Variants in LRP1B observed in about 807,000 individuals in gnomAD.
The protein encoded by LRP1B is low-density lipoprotein receptor-related protein 1B.
In LRP1B, 217 loss-of-function variants were observed where a neutral mutation model predicts 556.6. The ratio of observed to expected loss-of-function variants is 0.39; its 90% CI spans 0.35 to 0.44. The LOEUF (loss-of-function observed/expected upper bound fraction) is 0.44, where lower values mean the gene tolerates loss of function less well. Ranked by LOEUF, LRP1B falls within the 20% of genes least tolerant of loss-of-function variation. The pLI is 1.00. For synonymous variants in LRP1B, 2,047 were observed against 1,865.8 expected (o/e 1.10, Z -2.50); for missense variants, 5,053 against 5,620.8 (o/e 0.90, Z 3.23).
At chr2:140,511,122 T>C (rs1689633234) in intron 51 of LRP1B, among the ~76,000 whole-genome samples, 1 of 152,052 alleles carries the variant, frequency 6.6e-6, no homozygotes, top group South Asian at 2.1e-4. Context: ...AGTGACTAGA[T>C]GAAAAATATT....
At chr2:140,996,974 A>T (rs945953829) in intron 15 of LRP1B, among the ~76,000 whole-genome samples, 2 of 151,928 alleles carry the variant, frequency 1.3e-5, no homozygotes, top group Non-Finnish European at 2.9e-5. Context: ...GTATATTAAC[A>T]AGTGATGGAA....
chr2:141,156,616 A>G (rs1024563774), intron 7 of LRP1B, among the ~76,000 whole-genome samples: 44 of 144,284 alleles, frequency 3.0e-4, no homozygotes, highest in African/African-American at 1.2e-3. Context: ...CGACAGGGCT[A>G]TCTCAGAAAA....
chr2:140,239,641 G>A (rs567494171), intron 87 of LRP1B, 109 bp from the exon 88 acceptor site: 146 of 596,654 alleles, frequency 2.4e-4, no homozygotes, highest in South Asian at 2.0e-3. Context: ...TATAATAAAA[G>A]CTTAGCCCAA....
chr2:140,242,232 T>C (rs1471953101), intron 87 of LRP1B, among the ~76,000 whole-genome samples: 4 of 151,174 alleles, frequency 2.6e-5, no homozygotes, highest in Admixed American at 2.0e-4. Context: ...ATAGTTATCA[T>C]ACAGTATTAT....
intron 35 of LRP1B, among the ~76,000 whole-genome samples, chr2:140,751,290 G>T (rs72981892): frequency 0.022 from 3,242 of 150,772 alleles, 99 homozygotes; most frequent in African/African-American, 0.073. Context: ...ACCACGCATG[G>T]CCTCAGTTAT....
At chr2:140,567,446 T>C (rs1256059228) in intron 43 of LRP1B, among the ~76,000 whole-genome samples, 1 of 152,096 alleles carries the variant, frequency 6.6e-6, no homozygotes, top group East Asian at 1.9e-4. Flanking sequence ...CTCCAGAGAA[T>C]CCTTTCTTCC....
At chr2:141,516,359 T>C (rs1174043761) in intron 2 of LRP1B, among the ~76,000 whole-genome samples, 1 of 152,202 alleles carries the variant, frequency 6.6e-6, no homozygotes, top group Non-Finnish European at 1.5e-5. Flanking sequence ...AATGAACTGT[T>C]CTGATTATCT....
At chr2:140,310,095 A>G (rs1348633704) in intron 83 of LRP1B, among the ~76,000 whole-genome samples, 3 of 151,748 alleles carry the variant, frequency 2.0e-5, no homozygotes, top group Non-Finnish European at 4.4e-5. Context: ...TGCTGGTTTC[A>G]TCCATGTCTG....
chr2:141,217,388 C>T (rs1443434040), intron 6 of LRP1B, among the ~76,000 whole-genome samples: 1 of 152,044 alleles, frequency 6.6e-6, no homozygotes, highest in African/African-American at 2.4e-5. Context: ...TTGCCTAATG[C>T]ACAATATAAA....
At chr2:140,883,159 G>T (rs2105185185) in intron 25 of LRP1B, among the ~76,000 whole-genome samples, 1 of 152,210 alleles carries the variant, frequency 6.6e-6, no homozygotes. Flanking sequence ...GCAGGAACGG[G>T]AACCCATATG....
chr2:140,371,376 A>G (rs1046276109), intron 69 of LRP1B, 91 bp from the exon 70 acceptor site: 2 of 553,116 alleles, frequency 3.6e-6, no homozygotes, highest in Non-Finnish European at 6.2e-6. Context: ...ATGAATTTAT[A>G]GATGGTAATA....
chr2:142,047,240 A>G (rs1704292306), intron 1 of LRP1B, among the ~76,000 whole-genome samples: 1 of 151,978 alleles, frequency 6.6e-6, no homozygotes, highest in African/African-American at 2.4e-5. Context: ...GGTACAGCCA[A>G]CACACACGTA....
chr2:140,649,541 C>A (rs1171872396), intron 41 of LRP1B, among the ~76,000 whole-genome samples: 1 of 152,184 alleles, frequency 6.6e-6, no homozygotes, highest in Non-Finnish European at 1.5e-5. Context: ...AGTTTCTTTT[C>A]TCTCAACAGC....
chr2:140,621,259 G>A (rs906672428), intron 41 of LRP1B, among the ~76,000 whole-genome samples: 18 of 151,098 alleles, frequency 1.2e-4, no homozygotes, highest in African/African-American at 1.7e-4. Context: ...GGTGGTGGGC[G>A]CCTGTAGTCC....
intron 49 of LRP1B, among the ~76,000 whole-genome samples, chr2:140,524,106 A>G (rs1457629453): frequency 6.9e-6 from 1 of 145,222 alleles, no homozygotes. Flanking sequence ...TCTATAAGGA[A>G]TTTAAATAAA....
chr2:140,247,336 A>G lies in LRP1B; in HGVS notation c.13248-174T>C, dbSNP rs1023735467. Among the ~76,000 whole-genome samples, 11 of 151,682 alleles carry G rather than the reference A, an allele frequency of 7.3e-5. 1 individual carries two copies. Among genetic ancestry groups the G allele is most frequent in the Admixed American group, 5.3e-4 (8 of 15,150 alleles). ...TGCATATTGTTAGTATGCTGAGTGTAACTTTCATTGGACTTCCTTTGTTAA... is the reference window on the plus strand; with the variant it reads ...TGCATATTGTTAGTATGCTGAGTGTGACTTTCATTGGACTTCCTTTGTTAA... On this transcript the variant is annotated intron_variant, in intron 86 of 90. Coordinates refer to ENST00000389484, the MANE Select transcript of LRP1B (RefSeq NM_018557.3).
chr2:140,577,134 G>A (rs1346458855), intron 43 of LRP1B, among the ~76,000 whole-genome samples: 1 of 152,108 alleles, frequency 6.6e-6, no homozygotes, highest in Admixed American at 6.5e-5. Context: ...CTGGAAGATA[G>A]AGAGGTCTAC....
chr2:140,987,910 G>T (rs1488340060), intron 17 of LRP1B, among the ~76,000 whole-genome samples: 1 of 152,000 alleles, frequency 6.6e-6, no homozygotes, highest in Non-Finnish European at 1.5e-5. Flanking sequence ...CTTGCACCTG[G>T]GAGGCGAAAG....
At chr2:141,658,875 C>T (rs1322131070) in intron 2 of LRP1B, among the ~76,000 whole-genome samples, 1 of 152,078 alleles carries the variant, frequency 6.6e-6, no homozygotes, top group Non-Finnish European at 1.5e-5. Flanking sequence ...GGCATCACTA[C>T]ATGGGTCCAA....
Sources: gnomAD v4.1 joint callset for allele counts (sites outside exome capture counted in the v4.1 genomes callset) on GRCh38, gnomAD v4.1.1 for gene constraint, MANE v1.5 for transcripts, NCBI Gene and HGNC (gene_info 2026-07-23, HGNC 2026-07-21) for gene names.